Variants in SMIM14 observed in about 807,000 individuals in gnomAD.
SMIM14 encodes the protein small integral membrane protein 14.
SMIM14 carries 5 observed loss-of-function variants against 12.6 expected under a neutral mutation model. The observed-to-expected ratio is 0.40, with a 90% CI of 0.21 to 0.83. The LOEUF is 0.83. Among genes scored for constraint, SMIM14 ranks in the 40% least tolerant of loss-of-function variants. The pLI, the probability that SMIM14 is intolerant of heterozygous loss-of-function variation, is 0.37. For missense variants in SMIM14, 86 were observed against 119.1 expected (o/e 0.72, Z 1.29); for synonymous variants, 30 against 40.1 (o/e 0.75, Z 0.95).
intron 2 of SMIM14, among the ~76,000 whole-genome samples, chr4:39,595,756 G>C (rs570148539): frequency 2.0e-5 from 3 of 151,654 alleles, no homozygotes; most frequent in African/African-American, 7.3e-5. Flanking sequence ...TTACAGGCAC[G>C]CGTCATCACA....
chr4:39,565,213 G>A (rs1328938221), intron 3 of SMIM14, among the ~76,000 whole-genome samples: 1 of 152,180 alleles, frequency 6.6e-6, no homozygotes, highest in African/African-American at 2.4e-5. Context: ...GTAAGACTTT[G>A]TCTCCAGAAA....
intron 1 of SMIM14, among the ~76,000 whole-genome samples, chr4:39,625,375 T>C (rs1260248791): frequency 6.6e-6 from 1 of 152,190 alleles, no homozygotes; most frequent in African/African-American, 2.4e-5. Flanking sequence ...TTACATGCCC[T>C]TGATGTCACA....
rs1713760451 is a variant in SMIM14 at position 39,585,868 on chromosome 4, C to A, written c.76-13405G>T. 2.6e-5 allele frequency among the ~76,000 whole-genome samples: 4 copies of A among 152,042 alleles called. No homozygotes were observed. The South Asian group carries it at 8.3e-4, about 31-fold the overall frequency. On this transcript the variant is annotated intron_variant, in intron 2 of 4. Coordinates refer to ENST00000295958, the MANE Select transcript of SMIM14 (RefSeq NM_174921.3). ...TTGAAACCAAAGAGGCAGCCCTGAT[C>A]ATCTCTGAATTGCTGTTAAGGTCGC...
rs28429318 is a variant in SMIM14, at chr4:39,561,765, T to A, written c.125-5195A>T. 3.1e-3 allele frequency among the ~76,000 whole-genome samples: 472 copies of A among 151,830 alleles called. 3 individuals carry two copies. Among genetic ancestry groups the A allele is most frequent in the African/African-American group, 0.011 (445 of 41,430 alleles). On this transcript the variant is annotated intron_variant, in intron 3 of 4. Coordinates refer to ENST00000295958, the MANE Select transcript of SMIM14 (RefSeq NM_174921.3). ...TGTTGGCCATCTCTACCAAAGCCCA[T>A]CTCTACTAAAAATACAAAAATTAGC...
At chr4:39,627,855 TAAAG>T (rs1321989658) in intron 1 of SMIM14, among the ~76,000 whole-genome samples, 1 of 152,208 alleles carries the variant, frequency 6.6e-6, no homozygotes, top group Non-Finnish European at 1.5e-5. Context: ...AAACTGATCA[TAAAG>T]AGTCAAACAA....
chr4:39,637,754 C>T (rs1446158791), intron 1 of SMIM14, among the ~76,000 whole-genome samples: 2 of 152,200 alleles, frequency 1.3e-5, no homozygotes, highest in Non-Finnish European at 2.9e-5. Flanking sequence ...CCTGCAACCT[C>T]CACAGCGCTG....
intron 1 of SMIM14, among the ~76,000 whole-genome samples, chr4:39,622,691 C>T (rs776919483): frequency 6.6e-6 from 1 of 152,234 alleles, no homozygotes; most frequent in African/African-American, 2.4e-5. Context: ...TGAGTCACCA[C>T]GCCTGGCCTG....
At chr4:39,569,378 TA>T (rs1405776237) in intron 3 of SMIM14, among the ~76,000 whole-genome samples, 10 of 152,196 alleles carry the variant, frequency 6.6e-5, no homozygotes, top group Non-Finnish European at 1.3e-4. Flanking sequence ...TCATAATGTA[TA>T]ACAAGTCTCT....
At chr4:39,636,292 G>C (rs1716089518) in intron 1 of SMIM14, among the ~76,000 whole-genome samples, 2 of 151,008 alleles carry the variant, frequency 1.3e-5, no homozygotes, top group Admixed American at 6.6e-5. Context: ...CTATGGAACA[G>C]AACTAAATCT....
intron 2 of SMIM14, among the ~76,000 whole-genome samples, chr4:39,600,219 C>T (rs897173520): frequency 6.6e-6 from 1 of 151,996 alleles, no homozygotes; most frequent in African/African-American, 2.4e-5. Flanking sequence ...CCAGGCTCTC[C>T]AATGTGAGCT....
In SMIM14 at chr4:39,619,876, AT is replaced by A. The variant is rs368919092; in HGVS notation, c.-35-14697del. Among the ~76,000 whole-genome samples, 265 of 115,808 alleles carry A rather than the reference AT, an allele frequency of 2.3e-3. 2 individuals are homozygous for A. The highest frequency in any genetic ancestry group is 7.7e-3 in the African/African-American group (223 of 29,084). The allele number at this position is 115,808 out of a possible 152,430, so 76.0% of individuals were successfully genotyped here. ...TATATATATTTATATATATATATAT[AT>A]TTTTTTTTTTTTAAGAGCAAGATAG... On this transcript the variant is annotated intron_variant, in intron 1 of 4. Transcript: ENST00000295958.
chr4:39,614,467 T>G (rs1715148705), intron 1 of SMIM14, among the ~76,000 whole-genome samples: 1 of 151,682 alleles, frequency 6.6e-6, no homozygotes, highest in South Asian at 2.1e-4. Context: ...ATTACAGGTG[T>G]GTGCCACCAC....
intron 2 of SMIM14, among the ~76,000 whole-genome samples, chr4:39,602,156 G>A (rs1354963684): frequency 1.8e-4 from 28 of 151,534 alleles, no homozygotes. Flanking sequence ...GACTGAGGCA[G>A]GAGGATTGCT....
chr4:39,637,847 G>C (rs989100131), intron 1 of SMIM14, among the ~76,000 whole-genome samples: 1 of 152,210 alleles, frequency 6.6e-6, no homozygotes, highest in Non-Finnish European at 1.5e-5. Flanking sequence ...ATGTACAGCT[G>C]CTGTTTCTGA....
chr4:39,606,320 T>C (rs575096131), intron 1 of SMIM14, among the ~76,000 whole-genome samples: 2 of 147,424 alleles, frequency 1.4e-5, no homozygotes, highest in South Asian at 4.3e-4. Flanking sequence ...CATTCCAGCC[T>C]GGGCAACACA....
At chr4:39,577,265 A>G (rs1165245984) in intron 2 of SMIM14, among the ~76,000 whole-genome samples, 1 of 151,960 alleles carries the variant, frequency 6.6e-6, no homozygotes, top group East Asian at 1.9e-4. Context: ...CTCACACACA[A>G]TTGGTAATTA....
intron 2 of SMIM14, among the ~76,000 whole-genome samples, chr4:39,576,188 C>G (rs1388350735): frequency 6.6e-6 from 1 of 151,518 alleles, no homozygotes; most frequent in Non-Finnish European, 1.5e-5. Context: ...AGTCACCATG[C>G]TTGGTCTTTT....
At chr4:39,633,779 G>A (rs1221148183) in intron 1 of SMIM14, among the ~76,000 whole-genome samples, 1 of 152,172 alleles carries the variant, frequency 6.6e-6, no homozygotes, top group African/African-American at 2.4e-5. Flanking sequence ...TCTGATGATT[G>A]TATCAACGAA....
At chr4:39,633,655 G>A (rs1172346978) in intron 1 of SMIM14, among the ~76,000 whole-genome samples, 2 of 152,146 alleles carry the variant, frequency 1.3e-5, no homozygotes, top group Non-Finnish European at 1.5e-5. Flanking sequence ...CTACTCAGGA[G>A]GCAGAGGTGG....
Sources: gnomAD v4.1 joint callset for allele counts (sites outside exome capture counted in the v4.1 genomes callset) on GRCh38, gnomAD v4.1.1 for gene constraint, MANE v1.5 for transcripts, NCBI Gene and HGNC (gene_info 2026-07-23, HGNC 2026-07-21) for gene names.